Variants in RAB6B observed in about 807,000 individuals in gnomAD.
RAB6B encodes the protein ras-related protein Rab-6B.
Under a neutral mutation model 31.2 loss-of-function variants are expected in RAB6B, and 7 were observed. That is an observed-to-expected ratio of 0.22 (90% CI 0.13 to 0.42). The LOEUF (loss-of-function observed/expected upper bound fraction) is 0.42. Among genes scored for constraint, RAB6B ranks in the 10% least tolerant of loss-of-function variants. The pLI is 1.00. For missense variants in RAB6B, 149 were observed against 280.6 expected (o/e 0.53, Z 3.35); for synonymous variants, 105 against 104.9 (o/e 1.00, Z -0.01).
At chr3:133,844,279 G>C (rs1017087564) in intron 2 of RAB6B, among the ~76,000 whole-genome samples, 1 of 152,188 alleles carries the variant, frequency 6.6e-6, no homozygotes, top group African/African-American at 2.4e-5. Context: ...CAGCAACGAG[G>C]AACCTGAACA....
chr3:133,838,136 TGCCGG>T, intron 6 of RAB6B, 25 bp downstream of exon 6: 1 of 1,577,306 alleles, frequency 6.3e-7, no homozygotes, highest in Non-Finnish European at 8.7e-7. Context: ...CCGGGCCCCG[TGCCGG>T]GCCCCGTGCC....
chr3:133,894,982 G>C (rs958824049), intron 1 of RAB6B, among the ~76,000 whole-genome samples: 3 of 152,168 alleles, frequency 2.0e-5, no homozygotes, highest in Admixed American at 6.5e-5. Flanking sequence ...GTTCTCCAAG[G>C]GGGGCGCCCG....
intron 1 of RAB6B, among the ~76,000 whole-genome samples, chr3:133,889,149 C>T (rs1184375609): frequency 6.6e-6 from 1 of 151,924 alleles, no homozygotes; most frequent in Non-Finnish European, 1.5e-5. Flanking sequence ...CCAAAGTTAA[C>T]CACACTGAAA....
chr3:133,856,476 C>G (rs1010248026), intron 2 of RAB6B, among the ~76,000 whole-genome samples: 2 of 152,094 alleles, frequency 1.3e-5, no homozygotes, highest in Admixed American at 1.3e-4. Flanking sequence ...TCCCCCCAAG[C>G]AGACTGCTGC....
At chr3:133,888,874 C>A (rs543493947) in intron 1 of RAB6B, among the ~76,000 whole-genome samples, 1 of 152,282 alleles carries the variant, frequency 6.6e-6, no homozygotes, top group East Asian at 1.9e-4. Context: ...AGTCCCCAGG[C>A]CCTGCTTGGA....
intron 1 of RAB6B, among the ~76,000 whole-genome samples, chr3:133,881,588 G>T (rs1055143059): frequency 6.6e-6 from 1 of 152,200 alleles, no homozygotes; most frequent in Non-Finnish European, 1.5e-5. Context: ...AGAAAATCAC[G>T]TCATGGCAAG....
At chr3:133,855,709 A>G (rs1936065495) in intron 2 of RAB6B, among the ~76,000 whole-genome samples, 1 of 152,210 alleles carries the variant, frequency 6.6e-6, no homozygotes. Flanking sequence ...GGTAACCTAC[A>G]AAATGAATTA....
At chr3:133,863,001 T>C (rs1046318562) in intron 2 of RAB6B, among the ~76,000 whole-genome samples, 2 of 152,226 alleles carry the variant, frequency 1.3e-5, no homozygotes, top group East Asian at 1.9e-4. Flanking sequence ...ACTAAGTCTG[T>C]TGCAGCTGTC....
intron 1 of RAB6B, among the ~76,000 whole-genome samples, chr3:133,888,609 ATAAG>A (rs1936586950): frequency 6.6e-6 from 1 of 152,242 alleles, no homozygotes; most frequent in Non-Finnish European, 1.5e-5. Flanking sequence ...ATCAGAATAA[ATAAG>A]TTTTTCTACA....
At chr3:133,831,629 G>C (rs1935657037) in intron 7 of RAB6B, among the ~76,000 whole-genome samples, 1 of 152,220 alleles carries the variant, frequency 6.6e-6, no homozygotes, top group Non-Finnish European at 1.5e-5. Context: ...CGCTGATTGA[G>C]AGGACAGGGA....
chr3:133,852,079 T>C (rs1373134974), intron 2 of RAB6B, among the ~76,000 whole-genome samples: 1 of 152,242 alleles, frequency 6.6e-6, no homozygotes, highest in Non-Finnish European at 1.5e-5. Flanking sequence ...AGGCGTGGTT[T>C]TGCGAGGCAG....
At position 133,871,882 on chromosome 3, in the gene RAB6B, T is replaced by A. The variant is rs187040838; in HGVS notation, c.71-7240A>T. Among the ~76,000 whole-genome samples, 139 of 152,314 alleles carry A rather than the reference T, an allele frequency of 9.1e-4. 1 individual carries two copies. Among genetic ancestry groups the A allele is most frequent in the Non-Finnish European group, 1.5e-3 (103 of 68,018 alleles). Reference sequence around the variant, plus strand: ...CACACTTACCACACACACCAGCTCTTCAGAGCTCCTGGCCAAACAGTGGGA... The same window carrying A: ...CACACTTACCACACACACCAGCTCTACAGAGCTCCTGGCCAAACAGTGGGA... On this transcript the variant is annotated intron_variant, in intron 1 of 7. Transcript: ENST00000285208.
In RAB6B at chr3:133,872,590, G is replaced by A. The variant is rs555435058; in HGVS notation, c.71-7948C>T. 1.3e-3 allele frequency among the ~76,000 whole-genome samples: 192 copies of A among 152,334 alleles called. 1 individual carries two copies. Among genetic ancestry groups the A allele is most frequent in the African/African-American group, 4.6e-3 (190 of 41,590 alleles). ...TTCTTCCTCAAAGGTGGGTAAGCTTGGTAGCTGGGCTATCTGCTCCACACC... is the reference window on the plus strand; with the variant it reads ...TTCTTCCTCAAAGGTGGGTAAGCTTAGTAGCTGGGCTATCTGCTCCACACC... On this transcript the variant is annotated intron_variant, in intron 1 of 7. Coordinates refer to ENST00000285208, the MANE Select transcript of RAB6B (RefSeq NM_016577.4).
intron 2 of RAB6B, among the ~76,000 whole-genome samples, chr3:133,858,212 G>A (rs1441643262): frequency 6.6e-6 from 1 of 152,200 alleles, no homozygotes. Flanking sequence ...GTGCCCGTAA[G>A]ACACTTAAGG....
chr3:133,857,377 C>T (rs114117561), intron 2 of RAB6B, among the ~76,000 whole-genome samples: 170 of 146,952 alleles, frequency 1.2e-3, no homozygotes, highest in African/African-American at 4.2e-3. Flanking sequence ...GGTCTCCCAG[C>T]GAAGTGGGAC....
chr3:133,853,442 G>C (rs1432602098), intron 2 of RAB6B, among the ~76,000 whole-genome samples: 1 of 151,666 alleles, frequency 6.6e-6, no homozygotes, highest in Non-Finnish European at 1.5e-5. Context: ...ACGCTCCACA[G>C]GCCCTTGGGA....
rs1358258945 is a variant in RAB6B at position 133,825,149 on chromosome 3, G to A, written c.*3639C>T. The stretch of plus-strand genomic sequence containing the variant: ...TCAAGTGGCTCAGACATGCCTCACT[G>A]TCCTCGGCTACCTGGTCCCATCTCA... On this transcript the variant is annotated 3_prime_UTR_variant, in exon 8 of 8. Transcript: ENST00000285208. 3 of 152,218 alleles carry A rather than the reference G, an allele frequency of 2.0e-5. No homozygotes were observed. Among genetic ancestry groups the A allele is most frequent in the Non-Finnish European group, 4.4e-5 (3 of 68,058 alleles). 9.4% of individuals were successfully genotyped at this position (152,218 alleles called of 1,614,324 possible).
At chr3:133,860,364 G>A (rs1293106319) in intron 2 of RAB6B, among the ~76,000 whole-genome samples, 1 of 152,186 alleles carries the variant, frequency 6.6e-6, no homozygotes, top group African/African-American at 2.4e-5. Flanking sequence ...GAGGCGGAGA[G>A]TGGAGTGATA....
intron 7 of RAB6B, among the ~76,000 whole-genome samples, chr3:133,831,123 T>G (rs2107985281): frequency 6.6e-6 from 1 of 152,346 alleles, no homozygotes; most frequent in African/African-American, 2.4e-5. Context: ...ATCACAATAC[T>G]TTTGTACACT....
Sources: gnomAD v4.1 joint callset for allele counts (sites outside exome capture counted in the v4.1 genomes callset) on GRCh38, gnomAD v4.1.1 for gene constraint, MANE v1.5 for transcripts, NCBI Gene and HGNC (gene_info 2026-07-23, HGNC 2026-07-21) for gene names.